The following GDPD4 variants were observed in gnomAD, a reference collection of about 807,000 sequenced individuals.
GDPD4 encodes the protein glycerophosphodiester phosphodiesterase 6.
In GDPD4, 60 loss-of-function variants were observed where a neutral mutation model predicts 67.8. The ratio of observed to expected loss-of-function variants is 0.88; its 90% CI spans 0.72 to 1.10. GDPD4 has a LOEUF of 1.10. Among genes scored for constraint, GDPD4 ranks in the 50% least tolerant of loss-of-function variants. GDPD4 has a pLI of 0.00. For synonymous variants in GDPD4, 212 were observed against 210.9 expected, an observed-to-expected ratio of 1.00 and a Z score of -0.04; for missense variants, 623 against 613.9, an observed-to-expected ratio of 1.01 and a Z score of -0.16.
At chr11:77,289,419 A>C (rs1051675356) in intron 1 of GDPD4, among the ~76,000 whole-genome samples, 2 of 148,240 alleles carry the variant, frequency 1.3e-5, no homozygotes, top group African/African-American at 5.0e-5. Flanking sequence ...CAGAGAGAGA[A>C]AGAGAGAGAG....
chr11:77,276,135 T>C (rs754577328), intron 5 of GDPD4, 26 bp downstream of exon 5: 1 of 1,583,940 alleles, frequency 6.3e-7, no homozygotes, highest in Admixed American at 1.7e-5. Flanking sequence ...GGTCTAAGGT[T>C]TCCTATGTGG....
intron 10 of GDPD4, among the ~76,000 whole-genome samples, chr11:77,261,195 C>T (rs1959109420): frequency 2.0e-5 from 3 of 152,044 alleles, no homozygotes; most frequent in Admixed American, 2.0e-4. Flanking sequence ...TGTCAGATTG[C>T]CACTGCCTGC....
intron 13 of GDPD4, among the ~76,000 whole-genome samples, chr11:77,242,160 T>C (rs983449891): frequency 1.3e-5 from 2 of 152,178 alleles, no homozygotes; most frequent in African/African-American, 2.4e-5. Context: ...TATTTCAAAA[T>C]AGCTGAGAGT....
chr11:77,271,777 A>G (rs1228485255), intron 5 of GDPD4, among the ~76,000 whole-genome samples: 1 of 152,256 alleles, frequency 6.6e-6, no homozygotes, highest in Non-Finnish European at 1.5e-5. Flanking sequence ...CAATACAATT[A>G]TAAGTAAATA....
intron 10 of GDPD4, among the ~76,000 whole-genome samples, chr11:77,263,221 T>C (rs911088008): frequency 2.0e-5 from 3 of 152,132 alleles, no homozygotes; most frequent in East Asian, 1.9e-4. Context: ...TGAGTAAATA[T>C]AGAAACTTTT....
Position 77,269,930 on chromosome 11 carries a change from G to C in GDPD4, c.431C>G (p.Ser144Cys), listed in dbSNP as rs747675846. ...ACATTGCTTGAGTCTTTTTTTCTCA[G>C]AATGTGTCATCCTGTATCTTCTCAT... The part of the protein sequence containing the change: ...VRMRRYRMTH[S>C]EKKRLKQCNV... Residue 144 changes from serine (S) to cysteine (C), a missense_variant, in exon 8 of 17, where the codon TCT becomes TGT. By Grantham distance (112) the Ser-to-Cys change is moderately radical. Transcript: ENST00000315938. The C allele has an allele frequency of 6.3e-7, 1 of 1,582,824 alleles. No homozygotes were observed. Among genetic ancestry groups the C allele is most frequent in the South Asian group, 1.1e-5 (1 of 89,766 alleles).
intron 14 of GDPD4, among the ~76,000 whole-genome samples, chr11:77,231,555 T>C (rs753572163): frequency 1.3e-5 from 2 of 152,196 alleles, no homozygotes; most frequent in African/African-American, 4.8e-5. Flanking sequence ...GGAAGGAAGA[T>C]TGGTTTTCTT....
intron 11 of GDPD4, among the ~76,000 whole-genome samples, chr11:77,247,157 C>T (rs535247509): frequency 1.3e-5 from 2 of 152,200 alleles, no homozygotes; most frequent in South Asian, 4.2e-4. Context: ...GGCCAGAAGG[C>T]AGATCATTGC....
Position 77,233,149 on chromosome 11 carries a change from T to G in GDPD4, c.1265A>C (p.His422Pro). 1 of 1,614,018 alleles carries G rather than the reference T, an allele frequency of 6.2e-7. No homozygotes were observed. Among genetic ancestry groups the G allele is most frequent in the Non-Finnish European group, 8.5e-7 (1 of 1,179,900 alleles). ...GLRDYKAANI[H>P]INVYTVNEPW... ...CTCATTGACGGTGTATACGTTGATA[T>G]GGATGTTAGCTGCTTTATAATCTCT... Residue 422 changes from histidine to proline, a missense_variant, in exon 14 of 17, where the codon CAT becomes CCT. Transcript: ENST00000315938.
At chr11:77,241,259 G>C (rs909463957) in intron 13 of GDPD4, among the ~76,000 whole-genome samples, 50 of 152,220 alleles carry the variant, frequency 3.3e-4, no homozygotes, top group African/African-American at 1.1e-3. Flanking sequence ...TTAAAAAGAA[G>C]GAAATTCTGT....
chr11:77,291,331 G>A (rs900688008), intron 1 of GDPD4, among the ~76,000 whole-genome samples: 13 of 152,156 alleles, frequency 8.5e-5, no homozygotes, highest in Admixed American at 2.0e-4. Context: ...TCTCATGGAG[G>A]TAATGAGTAG....
intron 14 of GDPD4, among the ~76,000 whole-genome samples, chr11:77,231,492 G>A (rs1471101364): frequency 3.3e-5 from 5 of 152,190 alleles, no homozygotes; most frequent in Non-Finnish European, 5.9e-5. Context: ...ATGACACATG[G>A]CATAGGCTGG....
intron 13 of GDPD4, among the ~76,000 whole-genome samples, chr11:77,240,680 AAC>A (rs2135839703): frequency 6.6e-6 from 1 of 152,354 alleles, no homozygotes; most frequent in African/African-American, 2.4e-5. Flanking sequence ...GGAAACAATC[AAC>A]AGAGTGAAGA....
chr11:77,239,417 C>G (rs889708557), intron 13 of GDPD4, among the ~76,000 whole-genome samples: 1 of 152,130 alleles, frequency 6.6e-6, no homozygotes, highest in African/African-American at 2.4e-5. Flanking sequence ...ATGACATGAC[C>G]TTTTATATAG....
At chr11:77,281,960 T>C (rs376125859) in intron 3 of GDPD4, among the ~76,000 whole-genome samples, 1 of 151,906 alleles carries the variant, frequency 6.6e-6, no homozygotes, top group African/African-American at 2.4e-5. Flanking sequence ...CAGAGGTGCA[T>C]GATAAAATGA....
intron 11 of GDPD4, 82 bp from the exon 12 acceptor site, chr11:77,245,584 G>A: frequency 1.1e-6 from 1 of 878,952 alleles, no homozygotes; most frequent in South Asian, 1.6e-5. Flanking sequence ...CTCTACCTCA[G>A]TTGCTCCATT....
At chr11:77,296,683 GGTT>G (rs1403232560) in intron 1 of GDPD4, among the ~76,000 whole-genome samples, 1 of 151,984 alleles carries the variant, frequency 6.6e-6, no homozygotes, top group African/African-American at 2.4e-5. Context: ...GTAGAAATTT[GGTT>G]ATTAACTGAT....
intron 14 of GDPD4, among the ~76,000 whole-genome samples, chr11:77,229,456 A>C (rs189901988): frequency 1.3e-5 from 2 of 152,294 alleles, no homozygotes; most frequent in Non-Finnish European, 2.9e-5. Flanking sequence ...GGAATAGAAC[A>C]CTTCACACCT....
At chr11:77,250,607 A>C (rs1271249365) in intron 11 of GDPD4, among the ~76,000 whole-genome samples, 6 of 152,164 alleles carry the variant, frequency 3.9e-5, no homozygotes, top group Non-Finnish European at 8.8e-5. Flanking sequence ...AGAATGTTCC[A>C]TGTGCTGATG....
Sources: gnomAD v4.1 joint callset for allele counts (sites outside exome capture counted in the v4.1 genomes callset) on GRCh38, gnomAD v4.1.1 for gene constraint, MANE v1.5 for transcripts, NCBI Gene and HGNC (gene_info 2026-07-23, HGNC 2026-07-21) for gene names.